Variants in KCTD8 observed in about 807,000 individuals in gnomAD.
KCTD8 encodes the protein potassium channel tetramerization domain containing 8.
KCTD8 carries 27 observed loss-of-function variants against 31.5 expected under a neutral mutation model. The ratio of observed to expected loss-of-function variants is 0.86; its 90% CI spans 0.63 to 1.18. The LOEUF (loss-of-function observed/expected upper bound fraction) is 1.18, where lower values mean the gene tolerates loss of function less well. Ranked by LOEUF, KCTD8 falls within the 50% of genes most tolerant of loss-of-function variation. The pLI, the probability that KCTD8 is intolerant of heterozygous loss-of-function variation, is 0.00. For missense variants in KCTD8, 658 were observed against 647.7 expected (o/e 1.02, Z -0.17); for synonymous variants, 290 against 280.0 (o/e 1.04, Z -0.36).
At chr4:44,357,888 T>TTTA (rs1394938830) in intron 1 of KCTD8, among the ~76,000 whole-genome samples, 11 of 150,860 alleles carry the variant, frequency 7.3e-5, no homozygotes, top group African/African-American at 1.2e-4. Context: ...TAAATATTCT[T>TTTA]TTATTATTAT....
chr4:44,203,400 G>T (rs113132908), intron 1 of KCTD8, among the ~76,000 whole-genome samples: 1 of 148,228 alleles, frequency 6.7e-6, no homozygotes, highest in African/African-American at 2.5e-5. Flanking sequence ...CTACCTGGGA[G>T]AACTGCTTGA....
Position 44,297,909 on chromosome 4 carries a change from G to A in KCTD8, c.962-122659C>T, listed in dbSNP as rs1459337289. Among the ~76,000 whole-genome samples, 3 of 152,256 alleles carry A rather than the reference G, an allele frequency of 2.0e-5. No individual in the cohort carries two copies. In the East Asian group the frequency reaches 5.8e-4, roughly 29 times the overall value. On this transcript the variant is annotated intron_variant, in intron 1 of 1. Transcript: ENST00000360029. ...TTTTACCTCTTGTAATTAGCGGCCA[G>A]TCCTTGCTTTTAAAGCACACAATAG...
intron 1 of KCTD8, among the ~76,000 whole-genome samples, chr4:44,263,658 G>T (rs1716248559): frequency 6.6e-6 from 1 of 152,070 alleles, no homozygotes; most frequent in Admixed American, 6.6e-5. Context: ...GGAAAAAAAT[G>T]GTTTTAAAAT....
At chr4:44,312,915 C>CCAGTTGGGAGGACA (rs1453604237) in intron 1 of KCTD8, among the ~76,000 whole-genome samples, 1 of 152,108 alleles carries the variant, frequency 6.6e-6, no homozygotes, top group Non-Finnish European at 1.5e-5. Flanking sequence ...TTCAATGTGT[C>CCAGTTGGGAGGACA]CAGTTGGGAG....
intron 1 of KCTD8, among the ~76,000 whole-genome samples, chr4:44,304,541 G>C (rs1310571985): frequency 6.6e-6 from 1 of 152,068 alleles, no homozygotes; most frequent in Non-Finnish European, 1.5e-5. Context: ...GGAATAATAA[G>C]CTGTGATTAA....
chr4:44,235,596 G>GAT (rs1299554732), intron 1 of KCTD8, among the ~76,000 whole-genome samples: 3 of 137,458 alleles, frequency 2.2e-5, no homozygotes, highest in African/African-American at 7.9e-5. Context: ...GAGAGAGAGA[G>GAT]AGAGAGAGTA....
At chr4:44,241,695 G>A (rs1204582656) in intron 1 of KCTD8, among the ~76,000 whole-genome samples, 1 of 152,166 alleles carries the variant, frequency 6.6e-6, no homozygotes, top group Non-Finnish European at 1.5e-5. Flanking sequence ...GTTCAATGAA[G>A]TAGATTGGAA....
chr4:44,176,035 T>A (rs2109327428), intron 1 of KCTD8, among the ~76,000 whole-genome samples: 1 of 152,300 alleles, frequency 6.6e-6, no homozygotes, highest in African/African-American at 2.4e-5. Context: ...AAGAGGCATA[T>A]TTTATTCTCC....
intron 1 of KCTD8, among the ~76,000 whole-genome samples, chr4:44,336,920 G>A (rs1249179224): frequency 6.6e-6 from 1 of 151,452 alleles, no homozygotes; most frequent in African/African-American, 2.4e-5. Context: ...CTCTAAACGA[G>A]AGAAGTCTGT....
At chr4:44,422,549 G>A (rs910182597) in intron 1 of KCTD8, among the ~76,000 whole-genome samples, 13 of 152,046 alleles carry the variant, frequency 8.6e-5, no homozygotes, top group Admixed American at 4.6e-4. Context: ...TACGCAAATC[G>A]CAAAAAATAT....
At chr4:44,204,985 G>T (rs988949583) in intron 1 of KCTD8, among the ~76,000 whole-genome samples, 1 of 151,876 alleles carries the variant, frequency 6.6e-6, no homozygotes, top group Non-Finnish European at 1.5e-5. Flanking sequence ...TCAAAGAAAA[G>T]CATAAACCTT....
intron 1 of KCTD8, among the ~76,000 whole-genome samples, chr4:44,233,291 C>T (rs1214213419): frequency 1.3e-5 from 2 of 152,066 alleles, no homozygotes; most frequent in African/African-American, 4.8e-5. Flanking sequence ...TCTTTCAAAG[C>T]CTCAAAATAT....
chr4:44,269,920 G>A (rs1716527386), intron 1 of KCTD8, among the ~76,000 whole-genome samples: 1 of 151,944 alleles, frequency 6.6e-6, no homozygotes, highest in South Asian at 2.1e-4. Flanking sequence ...TGGAGAAATA[G>A]GAACACTTTT....
intron 1 of KCTD8, among the ~76,000 whole-genome samples, chr4:44,256,169 C>G (rs1228527014): frequency 4.0e-5 from 6 of 151,880 alleles, no homozygotes. Context: ...TCAATTACCT[C>G]CCACCAGTCC....
chr4:44,212,183 T>C (rs1714501537), intron 1 of KCTD8, among the ~76,000 whole-genome samples: 1 of 152,138 alleles, frequency 6.6e-6, no homozygotes, highest in South Asian at 2.1e-4. Context: ...ACACATGCGA[T>C]AAAATCACAC....
At chr4:44,326,720 A>C (rs568577667) in intron 1 of KCTD8, among the ~76,000 whole-genome samples, 23 of 151,632 alleles carry the variant, frequency 1.5e-4, no homozygotes, top group Admixed American at 3.3e-4. Context: ...TTGTTTGTCT[A>C]CTTAGGTTTT....
At chr4:44,385,923 TATGA>T (rs1256401746) in intron 1 of KCTD8, among the ~76,000 whole-genome samples, 4 of 151,606 alleles carry the variant, frequency 2.6e-5, no homozygotes, top group South Asian at 2.1e-4. Context: ...AAAGAAAATG[TATGA>T]ATGATTGATA....
At chr4:44,436,016 A>G (rs1721634436) in intron 1 of KCTD8, among the ~76,000 whole-genome samples, 2 of 152,110 alleles carry the variant, frequency 1.3e-5, no homozygotes, top group Admixed American at 1.3e-4. Context: ...TGTATCCCTT[A>G]TGGTAATACT....
intron 1 of KCTD8, among the ~76,000 whole-genome samples, chr4:44,400,157 C>T (rs2109455862): frequency 6.6e-6 from 1 of 152,284 alleles, no homozygotes; most frequent in East Asian, 1.9e-4. Context: ...AAAATTTTCT[C>T]AGAGTCACAG....
Sources: gnomAD v4.1 joint callset for allele counts (sites outside exome capture counted in the v4.1 genomes callset) on GRCh38, gnomAD v4.1.1 for gene constraint, MANE v1.5 for transcripts, NCBI Gene and HGNC (gene_info 2026-07-23, HGNC 2026-07-21) for gene names.